Variants in BRD1 observed in about 807,000 individuals in gnomAD.
BRD1 encodes bromodomain-containing protein 1.
A neutral mutation model predicts 107.7 loss-of-function variants in BRD1; 24 were observed. The observed-to-expected ratio is 0.22, with a 90% CI of 0.16 to 0.31. BRD1 has a LOEUF of 0.31. Among genes scored for constraint, BRD1 ranks in the 10% least tolerant of loss-of-function variants. BRD1 has a pLI of 1.00. For synonymous variants in BRD1, 744 were observed against 686.1 expected, an observed-to-expected ratio of 1.08 and a Z score of -1.32; for missense variants, 1,279 against 1,638.6, an observed-to-expected ratio of 0.78 and a Z score of 3.79.
chr22:49,776,378 G>A (rs1019830526), intron 10 of BRD1, among the ~76,000 whole-genome samples: 4 of 152,238 alleles, frequency 2.6e-5, no homozygotes, highest in South Asian at 2.1e-4. Context: ...AGCCTCCCAC[G>A]GACCCAGGGA....
chr22:49,803,382 C>T lies in BRD1; in HGVS notation c.1524+822G>A, dbSNP rs112617469. On this transcript the variant is annotated intron_variant, in intron 3 of 12. Transcript: ENST00000404760. This position sits in a 1 kb window ranked among gnomAD's most constrained non-coding sequence, Gnocchi z 4.4. ...CACCATGAGGAAATTCCAAGAGGCA[C>T]TCAGGCCACGCGACGCCAGCAGCAG... 1.6e-3 allele frequency among the ~76,000 whole-genome samples: 250 copies of T among 152,352 alleles called. 1 individual carries two copies. Among genetic ancestry groups the T allele is most frequent in the African/African-American group, 5.5e-3 (228 of 41,582 alleles).
At chr22:49,798,817 C>T in intron 4 of BRD1, 131 bp from the exon 5 acceptor site, 2 of 1,433,830 alleles carry the variant, frequency 1.4e-6, no homozygotes, top group Non-Finnish European at 1.8e-6. Flanking sequence ...AACGCAGCCT[C>T]CACTTAGGGC....
rs528094505 is a variant in BRD1, at chr22:49,811,676, T to C, written c.1368-7316A>G. Among the ~76,000 whole-genome samples the C allele has an allele frequency of 7.9e-5, 12 of 152,334 alleles. No individual in the cohort carries two copies. In the South Asian group the frequency reaches 2.5e-3, roughly 32 times the overall value. ...CTGCTTACTGCTGGAATTTCCCATTTAATACTTTCAGACTATGGCTGACCA... is the reference window on the plus strand; with the variant it reads ...CTGCTTACTGCTGGAATTTCCCATTCAATACTTTCAGACTATGGCTGACCA... On this transcript the variant is annotated intron_variant, in intron 2 of 12. Transcript: ENST00000404760.
chr22:49,818,886 A>G (rs1440840957), intron 2 of BRD1, among the ~76,000 whole-genome samples: 2 of 150,158 alleles, frequency 1.3e-5, no homozygotes, highest in East Asian at 1.9e-4. Context: ...ACTCCGTCTC[A>G]AAAAAAAAAT....
In BRD1 at chr22:49,787,850, T is replaced by C. The variant is rs951787089; in HGVS notation, c.2397A>G (p.Ala799=). 3.2e-6 allele frequency: 5 copies of C among 1,546,904 alleles called. No individual in the cohort carries two copies. The highest frequency in any genetic ancestry group is 1.4e-5 in the African/African-American group (1 of 72,948). ...KSPPKLEPSD[A]LPLPSNSETN... Reference sequence around the variant, plus strand: ...TCTCCGAGTTTGAAGGAAGAGGTAATGCATCTGATGGTTCAAGTTTAGGGG... The same window carrying C: ...TCTCCGAGTTTGAAGGAAGAGGTAACGCATCTGATGGTTCAAGTTTAGGGG... The change falls in exon 8 of 13, where the codon GCA becomes GCG. Residue 799 remains alanine (A), a synonymous_variant. Coordinates refer to ENST00000404760, the MANE Select transcript of BRD1 (RefSeq NM_001304808.3).
At chr22:49,810,963 T>A (rs1011752218) in intron 2 of BRD1, among the ~76,000 whole-genome samples, 3 of 152,184 alleles carry the variant, frequency 2.0e-5, no homozygotes, top group Non-Finnish European at 4.4e-5. Flanking sequence ...AGAGCAGCAT[T>A]GTTCATAATA....
At chr22:49,822,669 C>A (rs1042613855) in intron 2 of BRD1, among the ~76,000 whole-genome samples, 6 of 151,782 alleles carry the variant, frequency 4.0e-5, no homozygotes, top group Non-Finnish European at 5.9e-5. Context: ...GAGATTGCGC[C>A]ACTATACTCC....
At chr22:49,791,725 C>T (rs2059438474) in intron 7 of BRD1, among the ~76,000 whole-genome samples, 1 of 151,906 alleles carries the variant, frequency 6.6e-6, no homozygotes, top group Admixed American at 6.5e-5. Context: ...CAGGACCCCG[C>T]CCGCCCCACC....
At chr22:49,789,952 A>T (rs909723072) in intron 7 of BRD1, among the ~76,000 whole-genome samples, 1 of 152,180 alleles carries the variant, frequency 6.6e-6, no homozygotes, top group East Asian at 1.9e-4. Context: ...TCTATCCCAA[A>T]GCGGGCCCCT....
At chr22:49,825,572 A>G (rs571953790) in intron 1 of BRD1, among the ~76,000 whole-genome samples, 60 of 152,294 alleles carry the variant, frequency 3.9e-4, no homozygotes, top group African/African-American at 1.3e-3. Flanking sequence ...AAAGCGCCAC[A>G]CTTCACTGAC....
At position 49,824,033 on chromosome 22, in the gene BRD1, G is replaced by A. The variant is rs2060118127; in HGVS notation, c.285C>T (p.Asn95=). 6 of 1,613,736 alleles carry A rather than the reference G, an allele frequency of 3.7e-6. No homozygotes were observed. The African/African-American group carries it at 6.7e-5, about 18-fold the overall frequency. The stretch of plus-strand genomic sequence containing the variant: ...GGGCCTCGTTTTTCTTTTTGACTCT[G>A]TTGTTTTTGTGACGCTTAGTTCTTA... The part of the protein sequence containing the change: ...VCLRTKRHKN[N]RVKKKNEALP... The change falls in exon 2 of 13, where the codon AAC becomes AAT. Residue 95 remains asparagine (N), a synonymous_variant. Coordinates refer to ENST00000404760, the MANE Select transcript of BRD1 (RefSeq NM_001304808.3). The surrounding 1 kb of genome is among the most constrained non-coding windows in gnomAD (Gnocchi z 5.9).
intron 11 of BRD1, 74 bp downstream of exon 11, chr22:49,775,976 T>C (rs1372988265): frequency 1.5e-5 from 19 of 1,267,490 alleles, no homozygotes; most frequent in Middle Eastern, 2.4e-4. Flanking sequence ...GCCGTGAGCC[T>C]CCTCGGACCA....
Position 49,823,812 on chromosome 22 carries a change from A to G in BRD1, c.506T>C (p.Val169Ala). 2 of 1,614,100 alleles carry G rather than the reference A, an allele frequency of 1.2e-6. No individual in the cohort carries two copies. Among genetic ancestry groups the G allele is most frequent in the Non-Finnish European group, 1.7e-6 (2 of 1,180,034 alleles). Residue 169 changes from valine to alanine, a missense_variant, in exon 2 of 13, where the codon GTC becomes GCC. This residue lies in a region of BRD1 where 223 missense variants were observed against 263.5 expected (regional missense o/e 0.85). Coordinates refer to ENST00000404760, the MANE Select transcript of BRD1 (RefSeq NM_001304808.3). ...GCAGTCGCCCTTGCGCTTCTCATTGACGATCTCCAGCCAGGCATAGTCCTC... is the reference window on the plus strand; with the variant it reads ...GCAGTCGCCCTTGCGCTTCTCATTGGCGATCTCCAGCCAGGCATAGTCCTC... ...DEEDYAWLEI[V>A]NEKRKGDCVP...
intron 11 of BRD1, 28 bp from the exon 12 acceptor site, chr22:49,775,773 T>C (rs916419): frequency 0.071 from 113,075 of 1,588,948 alleles, 10,789 homozygotes; most frequent in African/African-American, 0.44. Flanking sequence ...GCTGAGGTCA[T>C]TGTGAGGCTC....
chr22:49,800,462 C>A (rs371578947), intron 3 of BRD1, among the ~76,000 whole-genome samples: 10 of 152,160 alleles, frequency 6.6e-5, no homozygotes, highest in African/African-American at 2.4e-4. Flanking sequence ...CCCGGAGCAT[C>A]TGAGTATTGC....
intron 8 of BRD1, among the ~76,000 whole-genome samples, chr22:49,786,101 G>A (rs902491846): frequency 7.9e-5 from 11 of 139,402 alleles, no homozygotes; most frequent in Admixed American, 7.2e-4. Flanking sequence ...TCAAGTGCAC[G>A]AGGCACCACG....
intron 3 of BRD1, among the ~76,000 whole-genome samples, chr22:49,802,934 C>A (rs2059668843): frequency 6.6e-6 from 1 of 152,262 alleles, no homozygotes; most frequent in African/African-American, 2.4e-5. Flanking sequence ...ACGTGAGGAT[C>A]TCACTTGGAG....
intron 6 of BRD1, among the ~76,000 whole-genome samples, chr22:49,795,050 A>C (rs2059504651): frequency 6.6e-6 from 1 of 152,222 alleles, no homozygotes; most frequent in African/African-American, 2.4e-5. Context: ...AACTCTCTTC[A>C]TCTAGAAACA....
At chr22:49,794,426 T>C (rs2059492964) in intron 6 of BRD1, 132 bp from the exon 7 acceptor site, 1 of 1,207,680 alleles carries the variant, frequency 8.3e-7, no homozygotes, top group Admixed American at 2.4e-5. Flanking sequence ...GCCCAGGCCC[T>C]GCTCACCAGA....
Sources: gnomAD v4.1 joint callset for allele counts (sites outside exome capture counted in the v4.1 genomes callset) on GRCh38, gnomAD v4.1.1 for gene constraint, gnomAD v4.1.1 regional missense constraint, Gnocchi (gnomAD v3.1) non-coding constraint, MANE v1.5 for transcripts, NCBI Gene and HGNC (gene_info 2026-07-23, HGNC 2026-07-21) for gene names.